The following ZNF609 variants were observed in gnomAD, a reference collection of about 807,000 sequenced individuals.
ZNF609 encodes zinc finger protein 609.
A neutral mutation model predicts 109.5 loss-of-function variants in ZNF609; 11 were observed. The observed-to-expected ratio is 0.10, with a 90% CI of 0.06 to 0.17. The LOEUF (loss-of-function observed/expected upper bound fraction) is 0.17, where lower values mean the gene tolerates loss of function less well. Among genes scored for constraint, ZNF609 ranks in the 10% least tolerant of loss-of-function variants. ZNF609 has a pLI of 1.00. For synonymous variants in ZNF609, 646 were observed against 662.0 expected, an observed-to-expected ratio of 0.98 and a Z score of 0.37; for missense variants, 1,559 against 1,772.4, an observed-to-expected ratio of 0.88 and a Z score of 2.16.
At chr15:64,499,119 G>A (rs190015659) in intron 1 of ZNF609, among the ~76,000 whole-genome samples, 174 bp from the exon 2 acceptor site, 26 of 152,296 alleles carry the variant, frequency 1.7e-4, no homozygotes, top group African/African-American at 6.3e-4. Flanking sequence ...AGTGGGAATT[G>A]ATTTTTCCTT....
At chr15:64,611,992 C>A (rs1316067187) in intron 2 of ZNF609, among the ~76,000 whole-genome samples, 1 of 151,846 alleles carries the variant, frequency 6.6e-6, no homozygotes, top group Non-Finnish European at 1.5e-5. Context: ...ACCTCAGCCT[C>A]CCAAAGTGCT....
intron 2 of ZNF609, among the ~76,000 whole-genome samples, chr15:64,581,136 C>CT (rs1895097858): frequency 6.6e-6 from 1 of 152,010 alleles, no homozygotes; most frequent in African/African-American, 2.4e-5. Context: ...AGCTGTCTTC[C>CT]TGCTTCCTCC....
At position 64,678,141 on chromosome 15, in the gene ZNF609, A is replaced by G; in HGVS notation, c.3428A>G (p.Tyr1143Cys). The part of the protein sequence containing the change: ...RQEAEPRMWT[Y>C]VYPAKYSDIK... The stretch of plus-strand genomic sequence containing the variant: ...GAGGCAGAGCCCCGGATGTGGACAT[A>G]TGTTTATCCTGCCAAGTACTCAGAC... The change falls in exon 6 of 10, where the codon TAT becomes TGT. Residue 1143 changes from tyrosine to cysteine, a missense_variant. Tyr to Cys is a radical substitution (Grantham distance 194, BLOSUM62 -2). Transcript: ENST00000326648. 1.2e-6 allele frequency: 2 copies of G among 1,613,976 alleles called. No individual in the cohort carries two copies. Among genetic ancestry groups the G allele is most frequent in the South Asian group, 2.2e-5 (2 of 91,074 alleles).
At chr15:64,481,887 T>C (rs1487752433) in intron 1 of ZNF609, among the ~76,000 whole-genome samples, 3 of 152,046 alleles carry the variant, frequency 2.0e-5, no homozygotes, top group African/African-American at 7.2e-5. Context: ...TGGGTTCAAG[T>C]GATTCTCCTG....
At chr15:64,672,007 T>A (rs1896737778) in intron 4 of ZNF609, among the ~76,000 whole-genome samples, 2 of 96,054 alleles carry the variant, frequency 2.1e-5, no homozygotes, top group South Asian at 6.7e-4. Context: ...AGGCTTAGAC[T>A]TTTTTTTTTT....
At chr15:64,479,314 C>CA (rs1290631911) in intron 1 of ZNF609, among the ~76,000 whole-genome samples, 1 of 71,138 alleles carries the variant, frequency 1.4e-5, no homozygotes, top group African/African-American at 5.9e-5. Flanking sequence ...TTTTTTGAGA[C>CA]AGAGTCTCGC....
At chr15:64,538,748 G>A (rs1425298667) in intron 2 of ZNF609, among the ~76,000 whole-genome samples, 1 of 151,992 alleles carries the variant, frequency 6.6e-6, no homozygotes, top group Non-Finnish European at 1.5e-5. Flanking sequence ...GTTTCTCCAT[G>A]TTAGTCAGGC....
chr15:64,537,602 G>C (rs993584937), intron 2 of ZNF609, among the ~76,000 whole-genome samples: 2 of 152,074 alleles, frequency 1.3e-5, no homozygotes, highest in Non-Finnish European at 1.5e-5. Flanking sequence ...ACAGAAATGT[G>C]ATAGCTTATC....
At chr15:64,468,086 A>G (rs2140328205) in intron 1 of ZNF609, among the ~76,000 whole-genome samples, 1 of 150,614 alleles carries the variant, frequency 6.6e-6, no homozygotes, top group South Asian at 2.1e-4. Context: ...TCACGATCAC[A>G]GCTCACTGCA....
chr15:64,523,903 C>T (rs1321492645), intron 2 of ZNF609, among the ~76,000 whole-genome samples: 1 of 151,832 alleles, frequency 6.6e-6, no homozygotes, highest in East Asian at 1.9e-4. Context: ...CTTTAATGTT[C>T]CTGCCTTTTC....
In ZNF609 at chr15:64,632,774, G is replaced by GT. The variant is rs556668975; in HGVS notation, c.973+9727dup. Among the ~76,000 whole-genome samples, 14 of 151,868 alleles carry GT rather than the reference G, an allele frequency of 9.2e-5. No individual in the cohort carries two copies. In the South Asian group the frequency reaches 1.5e-3, roughly 16 times the overall value. ...TGAGCCACCATGCCTGGCTGTTGTT[G>GT]TTTTTGTTTTGTTTTTTTCAGATAG... On this transcript the variant is annotated intron_variant, in intron 3 of 9. Transcript: ENST00000326648.
intron 2 of ZNF609, among the ~76,000 whole-genome samples, chr15:64,620,588 A>G (rs1423304030): frequency 6.6e-6 from 1 of 152,226 alleles, no homozygotes. Context: ...TAGATGATTC[A>G]TTATACAGGC....
At chr15:64,566,897 G>C (rs1188659803) in intron 2 of ZNF609, among the ~76,000 whole-genome samples, 1 of 152,176 alleles carries the variant, frequency 6.6e-6, no homozygotes, top group African/African-American at 2.4e-5. Flanking sequence ...GTACCTCTTA[G>C]TGTCACTCAG....
chr15:64,592,990 A>C (rs1895327229), intron 2 of ZNF609: 1 of 1,464,666 alleles, frequency 6.8e-7, no homozygotes. Context: ...TGACAAAGAA[A>C]AGAAGGAACA....
intron 2 of ZNF609, among the ~76,000 whole-genome samples, chr15:64,511,880 A>G (rs1893737150): frequency 6.6e-6 from 1 of 151,492 alleles, no homozygotes; most frequent in Non-Finnish European, 1.5e-5. Flanking sequence ...ACGCCCAGCT[A>G]ATTTTTGTAT....
intron 1 of ZNF609, among the ~76,000 whole-genome samples, chr15:64,487,422 C>T (rs1596380952): frequency 6.6e-6 from 1 of 152,214 alleles, no homozygotes; most frequent in African/African-American, 2.4e-5. Flanking sequence ...ACAGTAAGTG[C>T]ACGAATCTTG....
intron 1 of ZNF609, among the ~76,000 whole-genome samples, chr15:64,487,856 G>A (rs565724083): frequency 6.6e-6 from 1 of 152,016 alleles, no homozygotes; most frequent in Non-Finnish European, 1.5e-5. Flanking sequence ...GGCTGGTCTT[G>A]AACTCCTGAC....
intron 2 of ZNF609, among the ~76,000 whole-genome samples, chr15:64,598,575 C>T (rs994963445): frequency 6.6e-6 from 1 of 151,338 alleles, no homozygotes; most frequent in African/African-American, 2.4e-5. Flanking sequence ...CTCCATCATA[C>T]TTTTTCCTTT....
At position 64,682,965 on chromosome 15, in the gene ZNF609, T is replaced by C. The variant is rs1212084524; in HGVS notation, c.*1279T>C. On this transcript the variant is annotated 3_prime_UTR_variant, in exon 10 of 10. Transcript: ENST00000326648. ...AATAACACATCCAAGCCATTACTTA[T>C]TAGAGTCTCAGAATGTACTCAGTGG... 1 of 152,656 alleles carries C rather than the reference T, an allele frequency of 6.6e-6. No individual in the cohort carries two copies. Among genetic ancestry groups the C allele is most frequent in the Admixed American group, 6.5e-5 (1 of 15,276 alleles). The allele number at this position is 152,656 out of a possible 1,614,324, so 9.5% of individuals were successfully genotyped here.
Sources: allele counts gnomAD v4.1 joint callset (sites outside exome capture counted in the v4.1 genomes callset), GRCh38; gene constraint gnomAD v4.1.1; transcripts MANE v1.5; gene names NCBI Gene and HGNC (gene_info 2026-07-23, HGNC 2026-07-21).